The following CDH13 variants were observed in gnomAD, a reference collection of about 807,000 sequenced individuals.
CDH13 encodes the protein cadherin 13.
Under a neutral mutation model 63.8 loss-of-function variants are expected in CDH13, and 24 were observed. The observed-to-expected ratio is 0.38, with a 90% CI of 0.27 to 0.53. The LOEUF (loss-of-function observed/expected upper bound fraction) is 0.53. Among genes scored for constraint, CDH13 ranks in the 20% least tolerant of loss-of-function variants. The pLI is 0.85. For synonymous variants in CDH13, 503 were observed against 355.3 expected, an observed-to-expected ratio of 1.42 and a Z score of -4.67; for missense variants, 1,049 against 903.1, an observed-to-expected ratio of 1.16 and a Z score of -2.07.
At chr16:83,412,833 A>T (rs1164847268) in intron 6 of CDH13, among the ~76,000 whole-genome samples, 1 of 152,236 alleles carries the variant, frequency 6.6e-6, no homozygotes, top group African/African-American at 2.4e-5. Flanking sequence ...CAGGGCAAGA[A>T]CTGCAGCTTT....
chr16:82,703,382 T>C (rs1035823025), intron 1 of CDH13, among the ~76,000 whole-genome samples: 1 of 152,086 alleles, frequency 6.6e-6, no homozygotes, highest in African/African-American at 2.4e-5. Context: ...TGCTGGAGCA[T>C]GGCAGGCCAG....
chr16:82,781,142 A>G (rs2035733926), intron 1 of CDH13, among the ~76,000 whole-genome samples: 1 of 152,252 alleles, frequency 6.6e-6, no homozygotes, highest in South Asian at 2.1e-4. Flanking sequence ...TCTGAAGAAT[A>G]AAAGTGGCAG....
chr16:83,049,459 C>T (rs888519009), intron 3 of CDH13, among the ~76,000 whole-genome samples: 46 of 151,750 alleles, frequency 3.0e-4, no homozygotes, highest in African/African-American at 1.0e-3. Context: ...CTCATCCTCC[C>T]GAGTAGCTGG....
chr16:82,875,440 G>C (rs2040472150), intron 2 of CDH13, among the ~76,000 whole-genome samples: 1 of 152,162 alleles, frequency 6.6e-6, no homozygotes, highest in Non-Finnish European at 1.5e-5. Context: ...TTCATCCAAA[G>C]ACCTGAATGA....
chr16:83,072,703 C>T (rs192585159), intron 3 of CDH13, among the ~76,000 whole-genome samples: 2 of 152,206 alleles, frequency 1.3e-5, no homozygotes, highest in Admixed American at 6.5e-5. Context: ...GGAGCAATGT[C>T]GTTATGAGAA....
intron 5 of CDH13, among the ~76,000 whole-genome samples, chr16:83,297,933 C>A (rs1018793709): frequency 6.6e-6 from 1 of 151,456 alleles, no homozygotes; most frequent in African/African-American, 2.4e-5. Context: ...AGATGGAACC[C>A]AGCACGGCAG....
In CDH13 at chr16:83,102,911, CTTTTTTTTTTTTCTTTTTCTT is replaced by C. The variant is rs1352125280; in HGVS notation, c.367-22464_367-22444del. ...AAAATTCCTTTGCTAATTAAACTTT[CTTTTTTTTTTTTCTTTTTCTT>C]TTTTTTTTTCTTTTTCTTTTTTTTT... On this transcript the variant is annotated intron_variant, in intron 3 of 13. Coordinates refer to ENST00000567109, the MANE Select transcript of CDH13 (RefSeq NM_001257.5). Among the ~76,000 whole-genome samples, 180 of 96,468 alleles carry C rather than the reference CTTTTTTTTTTTTCTTTTTCTT, an allele frequency of 1.9e-3. 4 individuals are homozygous for C. The highest frequency in any genetic ancestry group is 5.2e-3 in the Middle Eastern group (1 of 192). 63.3% of individuals were successfully genotyped at this position (96,468 alleles called of 152,430 possible).
chr16:82,965,129 T>A (rs1366818666), intron 2 of CDH13, among the ~76,000 whole-genome samples: 1 of 152,194 alleles, frequency 6.6e-6, no homozygotes, highest in Non-Finnish European at 1.5e-5. Flanking sequence ...AATACTGTTG[T>A]CTCACATTCC....
chr16:82,832,238 C>G (rs112982095), intron 1 of CDH13, among the ~76,000 whole-genome samples: 1 of 75,322 alleles, frequency 1.3e-5, no homozygotes, highest in Non-Finnish European at 2.7e-5. Flanking sequence ...TCTCATTAAA[C>G]CACTGTTTAA....
At chr16:83,562,603 C>G (rs1355496601) in intron 7 of CDH13, among the ~76,000 whole-genome samples, 1 of 152,146 alleles carries the variant, frequency 6.6e-6, no homozygotes, top group African/African-American at 2.4e-5. Flanking sequence ...TAAAACATAT[C>G]TTAAGTGAAT....
chr16:82,700,486 A>G (rs1185773566), intron 1 of CDH13, among the ~76,000 whole-genome samples: 1 of 151,544 alleles, frequency 6.6e-6, no homozygotes, highest in Non-Finnish European at 1.5e-5. Flanking sequence ...GTCAAACTTT[A>G]TTATTAAGGA....
intron 11 of CDH13, among the ~76,000 whole-genome samples, chr16:83,749,581 C>T (rs1207748506): frequency 6.6e-6 from 1 of 152,150 alleles, no homozygotes; most frequent in African/African-American, 2.4e-5. Flanking sequence ...TTTGATAGAA[C>T]AGGGAACCAG....
chr16:83,265,727 C>CTTTTTTTTTTTTTTTTTT lies in CDH13; in HGVS notation c.636+48239_636+48256dup, dbSNP rs71272416. 8.9e-4 allele frequency among the ~76,000 whole-genome samples: 38 copies of CTTTTTTTTTTTTTTTTTT among 42,574 alleles called. 7 individuals are homozygous for CTTTTTTTTTTTTTTTTTT. Among genetic ancestry groups the CTTTTTTTTTTTTTTTTTT allele is most frequent in the Non-Finnish European group, 1.1e-3 (26 of 24,356 alleles). 27.9% of individuals were successfully genotyped at this position (42,574 alleles called of 152,430 possible). Reference sequence around the variant, plus strand: ...GTTTTCTGTTGCTTCTAAATTTCTGCTTTTTTTTTTTTTTTTTTTTTTTTT... The same window carrying CTTTTTTTTTTTTTTTTTT: ...GTTTTCTGTTGCTTCTAAATTTCTGCTTTTTTTTTTTTTTTTTTTTTTTTTTTTTTTTTTTTTTTTTTT... On this transcript the variant is annotated intron_variant, in intron 5 of 13. Coordinates refer to ENST00000567109, the MANE Select transcript of CDH13 (RefSeq NM_001257.5).
intron 1 of CDH13, among the ~76,000 whole-genome samples, chr16:82,699,214 A>G (rs930709151): frequency 6.6e-6 from 1 of 152,270 alleles, no homozygotes; most frequent in Non-Finnish European, 1.5e-5. Flanking sequence ...ATGTGATGAA[A>G]CTGGGATTCA....
At chr16:82,657,500 C>G (rs930814958) in intron 1 of CDH13, among the ~76,000 whole-genome samples, 2 of 152,250 alleles carry the variant, frequency 1.3e-5, no homozygotes, top group Admixed American at 1.3e-4. Flanking sequence ...CAACTCAGAA[C>G]AGCATGTAAT....
chr16:82,848,737 G>T (rs770026153), intron 1 of CDH13, among the ~76,000 whole-genome samples: 1 of 152,066 alleles, frequency 6.6e-6, no homozygotes, highest in Non-Finnish European at 1.5e-5. Flanking sequence ...ATTGAAGTTA[G>T]GCCAATGAAT....
chr16:82,724,955 A>G (rs2033008720), intron 1 of CDH13, among the ~76,000 whole-genome samples: 3 of 152,246 alleles, frequency 2.0e-5, no homozygotes. Flanking sequence ...CTTAAAGGGT[A>G]GTTTTAAAGA....
intron 10 of CDH13, among the ~76,000 whole-genome samples, chr16:83,688,756 T>C (rs535385662): frequency 1.3e-5 from 2 of 152,346 alleles, no homozygotes; most frequent in East Asian, 3.9e-4. Flanking sequence ...ATGGTAGCAA[T>C]ACATTTTATT....
rs78144396 is a variant in CDH13, at chr16:83,088,856, T to C, written c.367-36529T>C. Among the ~76,000 whole-genome samples the C allele has an allele frequency of 9.1e-3, 1,392 of 152,230 alleles. 11 individuals are homozygous for C. Among genetic ancestry groups the C allele is most frequent in the Middle Eastern group, 0.034 (10 of 294 alleles). On this transcript the variant is annotated intron_variant, in intron 3 of 13. Transcript: ENST00000567109. ...TGTATTTAGAAGTTTAGAACAGAGA[T>C]TTTTCAGCAACAACCACAGGCTAGA...
Sources: allele counts gnomAD v4.1 joint callset (sites outside exome capture counted in the v4.1 genomes callset), GRCh38; gene constraint gnomAD v4.1.1; transcripts MANE v1.5; gene names NCBI Gene and HGNC (gene_info 2026-07-23, HGNC 2026-07-21).